Variants in SHTN1 observed in about 807,000 individuals in gnomAD.
SHTN1 encodes shootin-1.
In SHTN1, 42 loss-of-function variants were observed where a neutral mutation model predicts 83.1. The observed-to-expected ratio is 0.51, with a 90% CI of 0.39 to 0.65. SHTN1 has a LOEUF of 0.65. Ranked by LOEUF, SHTN1 falls within the 30% of genes least tolerant of loss-of-function variation. The pLI is 0.00. For synonymous variants in SHTN1, 224 were observed against 247.7 expected, an observed-to-expected ratio of 0.90 and a Z score of 0.90; for missense variants, 622 against 737.8, an observed-to-expected ratio of 0.84 and a Z score of 1.82.
chr10:117,078,617 C>T (rs1853200104), intron 1 of SHTN1, among the ~76,000 whole-genome samples: 1 of 152,130 alleles, frequency 6.6e-6, no homozygotes, highest in African/African-American at 2.4e-5. Flanking sequence ...TTTTTGGCAC[C>T]TATGGAGTTA....
intron 1 of SHTN1, among the ~76,000 whole-genome samples, chr10:117,051,174 T>C (rs1281055119): frequency 6.6e-6 from 1 of 152,144 alleles, no homozygotes; most frequent in African/African-American, 2.4e-5. Context: ...GACAAAGTCC[T>C]AGAAACACAA....
At chr10:117,078,636 G>C (rs1853200784) in intron 1 of SHTN1, among the ~76,000 whole-genome samples, 1 of 152,142 alleles carries the variant, frequency 6.6e-6, no homozygotes, top group Admixed American at 6.5e-5. Context: ...TAATAGAATT[G>C]TTTGCAGCAC....
chr10:116,897,299 T>C (rs1185011589), intron 16 of SHTN1, among the ~76,000 whole-genome samples: 1 of 152,226 alleles, frequency 6.6e-6, no homozygotes, highest in African/African-American at 2.4e-5. Flanking sequence ...GGTTTGTGTT[T>C]TTCTATAAAA....
chr10:117,067,175 T>C (rs1255219035), intron 1 of SHTN1, among the ~76,000 whole-genome samples: 3 of 152,118 alleles, frequency 2.0e-5, no homozygotes, highest in Non-Finnish European at 4.4e-5. Context: ...AAGAAAAAAA[T>C]TGTGCTGGAG....
At chr10:117,018,499 AT>A (rs144955533) in intron 2 of SHTN1, among the ~76,000 whole-genome samples, 4 of 66,854 alleles carry the variant, frequency 6.0e-5, no homozygotes, top group African/African-American at 1.6e-4. Context: ...GTGTATGTGT[AT>A]TTTTTTTAAA....
intron 16 of SHTN1, among the ~76,000 whole-genome samples, chr10:116,887,420 T>A (rs1428637619): frequency 1.3e-5 from 2 of 152,074 alleles, no homozygotes; most frequent in African/African-American, 4.8e-5. Flanking sequence ...TTTCGGACTT[T>A]TCTGGTCTTT....
intron 1 of SHTN1, among the ~76,000 whole-genome samples, chr10:117,117,858 G>A (rs577358642): frequency 1.3e-5 from 2 of 152,252 alleles, no homozygotes; most frequent in African/African-American, 4.8e-5. Flanking sequence ...AATGAAACTA[G>A]ACCCCTATCT....
At chr10:116,898,131 C>T (rs1847587089) in intron 16 of SHTN1, among the ~76,000 whole-genome samples, 1 of 151,994 alleles carries the variant, frequency 6.6e-6, no homozygotes, top group Non-Finnish European at 1.5e-5. Flanking sequence ...AGTTCAAGAC[C>T]AGCCTGACCA....
At chr10:117,090,540 T>C (rs1388336995) in intron 1 of SHTN1, among the ~76,000 whole-genome samples, 1 of 152,160 alleles carries the variant, frequency 6.6e-6, no homozygotes, top group Non-Finnish European at 1.5e-5. Context: ...ATGGTTAAGA[T>C]GGTCAATTTT....
chr10:117,026,411 C>T (rs1852332993), intron 2 of SHTN1, among the ~76,000 whole-genome samples: 1 of 132,690 alleles, frequency 7.5e-6, no homozygotes, highest in South Asian at 2.7e-4. Context: ...CAATAGAAAT[C>T]CAGATAGACT....
At chr10:117,099,975 C>T (rs1027207532) in intron 1 of SHTN1, among the ~76,000 whole-genome samples, 5 of 151,778 alleles carry the variant, frequency 3.3e-5, no homozygotes, top group Non-Finnish European at 7.4e-5. Context: ...GTCGGGAGTT[C>T]GAGACCAGCC....
In SHTN1 at chr10:117,099,390, AT is replaced by A. The variant is rs573222732; in HGVS notation, c.-189+26916del. On this transcript the variant is annotated intron_variant, in intron 1 of 17. Coordinates refer to the SHTN1 transcript ENST00000392901. ...CCCCAAAAACTATTGGAATAAAAAA[AT>A]TTTAAGTATAATATTCCTTTGAATA... Among the ~76,000 whole-genome samples the A allele has an allele frequency of 7.4e-4, 113 of 152,324 alleles. 2 individuals are homozygous for A. The South Asian group carries it at 0.022, about 30-fold the overall frequency.
chr10:117,084,824 T>A (rs1481581651), intron 1 of SHTN1, among the ~76,000 whole-genome samples: 2 of 152,192 alleles, frequency 1.3e-5, no homozygotes, highest in East Asian at 1.9e-4. Context: ...CACCCCTTTC[T>A]TTGATTAGGA....
chr10:116,968,580 G>C, intron 3 of SHTN1, 72 bp downstream of exon 3: 2 of 1,078,496 alleles, frequency 1.9e-6, no homozygotes, highest in Middle Eastern at 2.1e-4. Context: ...AACTCAATAG[G>C]GTATAAGTCT....
chr10:117,108,663 A>C (rs530546821), intron 1 of SHTN1, among the ~76,000 whole-genome samples: 1 of 152,172 alleles, frequency 6.6e-6, no homozygotes, highest in Non-Finnish European at 1.5e-5. Context: ...ATATGTAACA[A>C]ACCTGCACGT....
At chr10:117,040,701 A>C (rs1001481698) in intron 2 of SHTN1, among the ~76,000 whole-genome samples, 3 of 152,138 alleles carry the variant, frequency 2.0e-5, no homozygotes, top group Non-Finnish European at 4.4e-5. Flanking sequence ...GCTGCTTTAA[A>C]CTGCTCAATT....
intron 16 of SHTN1, among the ~76,000 whole-genome samples, chr10:116,888,504 G>A (rs1391711290): frequency 1.3e-5 from 2 of 152,200 alleles, no homozygotes; most frequent in Non-Finnish European, 2.9e-5. Flanking sequence ...GGGAGGGAAG[G>A]CGGCTGTAAA....
At chr10:116,955,910 C>T (rs1589840852) in intron 4 of SHTN1, among the ~76,000 whole-genome samples, 2 of 152,164 alleles carry the variant, frequency 1.3e-5, no homozygotes, top group Admixed American at 6.6e-5. Flanking sequence ...AGATGAGGCC[C>T]ATCATTTCCC....
intron 12 of SHTN1, among the ~76,000 whole-genome samples, chr10:116,918,499 C>T (rs1848447883): frequency 6.6e-6 from 1 of 152,012 alleles, no homozygotes; most frequent in African/African-American, 2.4e-5. Flanking sequence ...CCATGATATA[C>T]CATATTTCTA....
Sources: allele counts gnomAD v4.1 joint callset (sites outside exome capture counted in the v4.1 genomes callset), GRCh38; gene constraint gnomAD v4.1.1; transcripts MANE v1.5; gene names NCBI Gene and HGNC (gene_info 2026-07-23, HGNC 2026-07-21).